Variants in CEP170 observed in about 807,000 individuals in gnomAD.
The protein encoded by CEP170 is centrosomal protein of 170 kDa.
CEP170 carries 21 observed loss-of-function variants against 151.9 expected under a neutral mutation model. The observed-to-expected ratio is 0.14, with a 90% CI of 0.10 to 0.20. CEP170 has a LOEUF of 0.20. CEP170 is among the 10% of genes least tolerant of loss of function. The pLI is 1.00. For missense variants in CEP170, 964 were observed against 1,892.9 expected, an observed-to-expected ratio of 0.51 and a Z score of 9.11; for synonymous variants, 356 against 648.8, an observed-to-expected ratio of 0.55 and a Z score of 6.86.
intron 8 of CEP170, among the ~76,000 whole-genome samples, chr1:243,189,867 G>A (rs1165914289): frequency 6.6e-6 from 1 of 152,158 alleles, no homozygotes; most frequent in African/African-American, 2.4e-5. Flanking sequence ...TTGTCTAGAA[G>A]TAAAATGTCA....
intron 4 of CEP170, among the ~76,000 whole-genome samples, chr1:243,202,318 G>A (rs776546383): frequency 2.6e-5 from 4 of 152,082 alleles, no homozygotes; most frequent in Non-Finnish European, 4.4e-5. Context: ...GCCGGAAGGC[G>A]GGGTGAGGGA....
chr1:243,154,197 G>A (rs1177826586), intron 14 of CEP170, among the ~76,000 whole-genome samples: 1 of 152,260 alleles, frequency 6.6e-6, no homozygotes, highest in Non-Finnish European at 1.5e-5. Context: ...GAAAGAGTAT[G>A]CTAAAGCATA....
chr1:243,200,841 C>T lies in CEP170; in HGVS notation c.275-6G>A, dbSNP rs370779145. 3.0e-5 allele frequency: 49 copies of T among 1,609,612 alleles called. No homozygotes were observed. In the African/African-American group the frequency reaches 3.2e-4, roughly 11 times the overall value. ...TACAGTGAAAAGATTTGTATGTAAA[C>T]GGGGCTAAGGAAGAATATAACCTCA... On this transcript the variant is annotated splice_region_variant and splice_polypyrimidine_tract_variant and intron_variant, in intron 4 of 19. Transcript: ENST00000366542.
chr1:243,190,868 T>C (rs921505468), intron 8 of CEP170, 150 bp downstream of exon 8: 6 of 1,276,310 alleles, frequency 4.7e-6, no homozygotes, highest in Non-Finnish European at 6.3e-6. Context: ...ATGGGCAGTG[T>C]AGCTTCCTGT....
intron 4 of CEP170, chr1:243,211,354 C>T (rs1050644922): frequency 2.6e-5 from 4 of 152,288 alleles, no homozygotes; most frequent in Non-Finnish European, 2.9e-5. Flanking sequence ...ACACTAAATG[C>T]ATAATGTGGA....
chr1:243,155,569 T>A (rs562243271), intron 14 of CEP170, among the ~76,000 whole-genome samples: 1 of 152,284 alleles, frequency 6.6e-6, no homozygotes, highest in East Asian at 1.9e-4. Context: ...ACTACTATAG[T>A]ATCTGCTTGA....
At chr1:243,170,607 A>G (rs1207418278) in intron 11 of CEP170, among the ~76,000 whole-genome samples, 1 of 152,156 alleles carries the variant, frequency 6.6e-6, no homozygotes, top group Non-Finnish European at 1.5e-5. Context: ...CAGCCTGGCC[A>G]ACATGGCGAA....
rs1203973843 is a variant in CEP170 at position 243,191,235 on chromosome 1, A to G, written c.891T>C (p.His297=). 1.2e-6 allele frequency: 2 copies of G among 1,609,708 alleles called. No individual in the cohort carries two copies. The highest frequency in any genetic ancestry group is 4.5e-5 in the East Asian group (2 of 44,782). Residue 297 remains histidine (H), a synonymous_variant, in exon 8 of 20, where the codon CAT becomes CAC. Coordinates refer to ENST00000366542, the MANE Select transcript of CEP170 (RefSeq NM_014812.3). ...STPGKVTIRD[H]VTKFTSDQRH... ...GCTGATCAGAAGTAAACTTTGTCAC[A>G]TGGTCTCTAATAGTTACCTTCCCTG...
rs1167328915 is a variant in CEP170, at chr1:243,164,857, C to A, written c.3103G>T (p.Ala1035Ser). The change falls in exon 13 of 20, where the codon GCC (alanine) becomes TCC (serine). Residue 1035 changes from alanine (A) to serine (S), a missense_variant. Coordinates refer to ENST00000366542, the MANE Select transcript of CEP170 (RefSeq NM_014812.3). ...DDQTSSVPHSAISDIMSSDQE... is the reference protein window; with the variant it reads ...DDQTSSVPHSSISDIMSSDQE... ...TCAGATGACATAATATCAGAGATGG[C>A]AGAATGAGGTACACTAGAGGTTTGG... is the stretch of plus-strand genomic sequence containing the variant. 2 of 1,613,236 alleles carry A rather than the reference C, an allele frequency of 1.2e-6. No homozygotes were observed. The highest frequency in any genetic ancestry group is 4.5e-5 in the East Asian group (2 of 44,842).
intron 6 of CEP170, 29 bp from the exon 7 acceptor site, chr1:243,199,223 A>T (rs2060860981): frequency 1.3e-6 from 2 of 1,599,952 alleles, no homozygotes; most frequent in Non-Finnish European, 1.7e-6. Flanking sequence ...AATCTGTCTA[A>T]AGCAGATGAA....
chr1:243,188,185 AT>A, intron 8 of CEP170, among the ~76,000 whole-genome samples: 1 of 152,314 alleles, frequency 6.6e-6, no homozygotes, highest in Middle Eastern at 3.4e-3. Flanking sequence ...TTGAAAAGGA[AT>A]CCAGTTTCTA....
At chr1:243,221,986 T>C (rs1255379923) in intron 2 of CEP170, among the ~76,000 whole-genome samples, 173 bp from the exon 3 acceptor site, 1 of 152,234 alleles carries the variant, frequency 6.6e-6, no homozygotes, top group Non-Finnish European at 1.5e-5. Flanking sequence ...CTTTTTAGCA[T>C]CACTGCCCAA....
intron 1 of CEP170, among the ~76,000 whole-genome samples, chr1:243,226,195 CTA>C: frequency 7.3e-6 from 1 of 136,816 alleles, no homozygotes; most frequent in South Asian, 2.2e-4. Flanking sequence ...ATATATATAT[CTA>C]GATATATATA....
intron 14 of CEP170, among the ~76,000 whole-genome samples, chr1:243,148,180 C>CA (rs1258257679): frequency 1.3e-5 from 2 of 151,354 alleles, no homozygotes; most frequent in African/African-American, 2.4e-5. Flanking sequence ...GACTCTGTCT[C>CA]AAAAAAAATC....
At chr1:243,191,679 T>C (rs188360951) in intron 7 of CEP170, among the ~76,000 whole-genome samples, 185 bp from the exon 8 acceptor site, 1 of 152,070 alleles carries the variant, frequency 6.6e-6, no homozygotes, top group Admixed American at 6.6e-5. Context: ...ATTATAAACA[T>C]GCGATTTGAT....
At chr1:243,144,056 G>GA (rs1184837279) in intron 14 of CEP170, among the ~76,000 whole-genome samples, 1 of 152,168 alleles carries the variant, frequency 6.6e-6, no homozygotes, top group Non-Finnish European at 1.5e-5. Flanking sequence ...AAAGAGGCAG[G>GA]AAAAACACCA....
intron 1 of CEP170, among the ~76,000 whole-genome samples, chr1:243,237,769 G>A (rs2064386083): frequency 6.6e-6 from 1 of 151,942 alleles, no homozygotes; most frequent in South Asian, 2.1e-4. Context: ...GCTGGGCCTT[G>A]TGGCGGGTGC....
At chr1:243,209,389 G>T (rs2061625024) in intron 4 of CEP170, among the ~76,000 whole-genome samples, 1 of 152,038 alleles carries the variant, frequency 6.6e-6, no homozygotes, top group Non-Finnish European at 1.5e-5. Context: ...ATTTCGCCAT[G>T]TTGGCCAGGC....
At chr1:243,220,741 G>C (rs573322338) in intron 3 of CEP170, among the ~76,000 whole-genome samples, 1 of 152,114 alleles carries the variant, frequency 6.6e-6, no homozygotes, top group Non-Finnish European at 1.5e-5. Context: ...AGAACCATAA[G>C]CAAATGAAGA....
Sources: gnomAD v4.1 joint callset for allele counts (sites outside exome capture counted in the v4.1 genomes callset) on GRCh38, gnomAD v4.1.1 for gene constraint, MANE v1.5 for transcripts, NCBI Gene and HGNC (gene_info 2026-07-23, HGNC 2026-07-21) for gene names.